Variants in REEP5 observed in about 807,000 individuals in gnomAD.
REEP5 encodes receptor expression-enhancing protein 5.
In REEP5, 24 loss-of-function variants were observed where a neutral mutation model predicts 22.4. That is an observed-to-expected ratio of 1.07 (90% CI 0.78 to 1.51). The LOEUF (loss-of-function observed/expected upper bound fraction) is 1.51. Ranked by LOEUF, REEP5 falls within the 40% of genes most tolerant of loss-of-function variation. REEP5 has a pLI of 0.00. For missense variants in REEP5, 252 were observed against 233.0 expected (o/e 1.08, Z -0.53); for synonymous variants, 103 against 88.6 (o/e 1.16, Z -0.92).
chr5:112,899,278 T>A (rs1768788752), intron 3 of REEP5, among the ~76,000 whole-genome samples: 1 of 149,880 alleles, frequency 6.7e-6, no homozygotes, highest in African/African-American at 2.5e-5. Context: ...TTTTTTTTGG[T>A]CAACATGCTG....
Position 112,921,256 on chromosome 5 carries a change from C to G in REEP5, c.119G>C (p.Gly40Ala). 6.2e-7 allele frequency: 1 copy of G among 1,614,070 alleles called. No individual in the cohort carries two copies. The highest frequency in any genetic ancestry group is 1.1e-5 in the South Asian group (1 of 91,038). The change falls in exon 2 of 5, where the codon GGT (glycine) becomes GCT (alanine). Residue 40 changes from glycine (G) to alanine (A), a missense_variant and splice_region_variant. By Grantham distance (60) the Gly-to-Ala change is moderately conservative. Transcript: ENST00000379638. ...TGVNRSFIALGVIGLVALYLV... is the reference protein window; with the variant it reads ...TGVNRSFIALAVIGLVALYLV... ...GTACAAGGCCACCAGTCCGATGACACCTGGGGACCACAAGGAGAGAAGTGG... is the reference window on the plus strand; with the variant it reads ...GTACAAGGCCACCAGTCCGATGACAGCTGGGGACCACAAGGAGAGAAGTGG...
intron 2 of REEP5, among the ~76,000 whole-genome samples, chr5:112,913,274 C>T (rs1474051111): frequency 2.7e-5 from 4 of 146,620 alleles, no homozygotes; most frequent in Non-Finnish European, 6.0e-5. Context: ...GCCTGGGCAA[C>T]AAGAGGGAAA....
chr5:112,908,347 C>T (rs1769009889), intron 2 of REEP5, among the ~76,000 whole-genome samples: 1 of 152,070 alleles, frequency 6.6e-6, no homozygotes, highest in African/African-American at 2.4e-5. Flanking sequence ...AGGCGATCTA[C>T]CCACCTTGGC....
At chr5:112,879,940 T>G (rs1204279472) in intron 4 of REEP5, among the ~76,000 whole-genome samples, 1 of 151,994 alleles carries the variant, frequency 6.6e-6, no homozygotes, top group African/African-American at 2.4e-5. Flanking sequence ...TAAAAAAATT[T>G]TAAAAGCCCA....
chr5:112,919,848 T>G (rs952746360), intron 2 of REEP5, among the ~76,000 whole-genome samples: 2 of 152,044 alleles, frequency 1.3e-5, no homozygotes, highest in African/African-American at 4.8e-5. Flanking sequence ...ACTAAGACAG[T>G]GTTCACAGGT....
chr5:112,913,018 G>A (rs1769139786), intron 2 of REEP5, among the ~76,000 whole-genome samples: 1 of 152,170 alleles, frequency 6.6e-6, no homozygotes, highest in Non-Finnish European at 1.5e-5. Flanking sequence ...ACTAATGAAA[G>A]ACTGACCGGG....
chr5:112,920,980 G>C (rs1769343487), intron 2 of REEP5, among the ~76,000 whole-genome samples, 183 bp downstream of exon 2: 1 of 152,202 alleles, frequency 6.6e-6, no homozygotes, highest in Non-Finnish European at 1.5e-5. Flanking sequence ...ATCGTCAAGA[G>C]ATAGGGATTA....
chr5:112,904,193 T>C (rs1768905922), intron 2 of REEP5, among the ~76,000 whole-genome samples: 2 of 152,230 alleles, frequency 1.3e-5, no homozygotes, highest in African/African-American at 4.8e-5. Context: ...AAATGGCTTG[T>C]AATGTATGCA....
chr5:112,907,790 G>A (rs145216480), intron 2 of REEP5, among the ~76,000 whole-genome samples: 11 of 152,274 alleles, frequency 7.2e-5, no homozygotes, highest in East Asian at 1.9e-4. Flanking sequence ...TGGCACATCC[G>A]TACAATGAAA....
At chr5:112,906,839 C>T (rs1350764516) in intron 2 of REEP5, among the ~76,000 whole-genome samples, 2 of 152,138 alleles carry the variant, frequency 1.3e-5, no homozygotes, top group Non-Finnish European at 2.9e-5. Context: ...ACCTGCCCTA[C>T]GTGTTCTAAG....
chr5:112,887,172 C>G lies in REEP5; in HGVS notation c.363G>C (p.Leu121=). ...PFYYMLKCGF[L]LWCMAPSPSN... is the part of the protein sequence containing the mutation. Reference sequence around the variant, plus strand: ...AAGGGCTCGGGGCCATGCACCACAACAGGAAGCCACACTGCACAGAAAAAG... The same window carrying G: ...AAGGGCTCGGGGCCATGCACCACAAGAGGAAGCCACACTGCACAGAAAAAG... Residue 121 remains leucine, a synonymous_variant, in exon 4 of 5, where the codon CTG becomes CTC. Coordinates refer to ENST00000379638, the MANE Select transcript of REEP5 (RefSeq NM_005669.5). 6.3e-7 allele frequency: 1 copy of G among 1,599,148 alleles called. No individual in the cohort carries two copies.
rs1469819743 is a variant in REEP5 at position 112,887,248 on chromosome 5, ACT to A, written c.352-67_352-66del. The A allele has an allele frequency of 4.4e-6, 6 of 1,366,082 alleles. No individual in the cohort carries two copies. In the African/African-American group the frequency reaches 8.6e-5, roughly 19 times the overall value. The allele number at this position is 1,366,082 out of a possible 1,614,324, so 84.6% of individuals were successfully genotyped here. ...GAGGGGGCACATTCTGAGAATACAC[ACT>A]GTCTTTCACTACTCTGGGGATGGGA... is the stretch of plus-strand genomic sequence containing the variant. On this transcript the variant is annotated intron_variant, in intron 3 of 4. Transcript: ENST00000379638.
chr5:112,920,972 C>A (rs905476392), intron 2 of REEP5, among the ~76,000 whole-genome samples, 191 bp downstream of exon 2: 2 of 152,168 alleles, frequency 1.3e-5, no homozygotes, highest in East Asian at 1.9e-4. Flanking sequence ...CTGGGCTAAT[C>A]GTCAAGAGAT....
intron 2 of REEP5, among the ~76,000 whole-genome samples, chr5:112,914,047 T>G (rs1024227254): frequency 6.6e-6 from 1 of 151,010 alleles, no homozygotes; most frequent in Non-Finnish European, 1.5e-5. Context: ...GAAGCTGAAG[T>G]GGGAGAATCA....
In REEP5 at chr5:112,912,246, T is replaced by C. The variant is rs76604337; in HGVS notation, c.212+8917A>G. Among the ~76,000 whole-genome samples, 538 of 152,260 alleles carry C rather than the reference T, an allele frequency of 3.5e-3. 5 individuals carry two copies. The highest frequency in any genetic ancestry group is 0.013 in the African/African-American group (521 of 41,558). On this transcript the variant is annotated intron_variant, in intron 2 of 4. Coordinates refer to ENST00000379638, the MANE Select transcript of REEP5 (RefSeq NM_005669.5). ...TTTGGCTACTCACACCTAAGACACA[T>C]AGGTACATACTATGTGTTCTGTGCA...
chr5:112,918,449 T>C (rs986933615), intron 2 of REEP5, among the ~76,000 whole-genome samples: 3 of 152,132 alleles, frequency 2.0e-5, no homozygotes, highest in African/African-American at 7.2e-5. Context: ...AATTTCATCT[T>C]TGCATCCTGC....
chr5:112,902,264 GTCT>G, intron 3 of REEP5, 113 bp downstream of exon 3: 2 of 1,116,772 alleles, frequency 1.8e-6, no homozygotes, highest in South Asian at 2.0e-5. Flanking sequence ...GCCCAGGCCT[GTCT>G]TCTTGTTTAT....
At chr5:112,893,508 ATTT>A in intron 3 of REEP5, 2 of 155,796 alleles carry the variant, frequency 1.3e-5, no homozygotes, top group South Asian at 1.9e-4. Flanking sequence ...CCATGTTATG[ATTT>A]TAAGCCAGGC....
rs1491389635 is a variant in REEP5, at chr5:112,877,979, C to CTGTG, written c.*806_*807insCACA. 1 of 115,382 alleles carries CTGTG rather than the reference C, an allele frequency of 8.7e-6. No individual in the cohort carries two copies. The highest frequency in any genetic ancestry group is 2.4e-4 in the East Asian group (1 of 4,202). 7.1% of individuals were successfully genotyped at this position (115,382 alleles called of 1,614,324 possible). A position where few individuals can be genotyped will look rare whatever the true frequency, so the allele number is the denominator to read the frequency against. On this transcript the variant is annotated 3_prime_UTR_variant, in exon 5 of 5. Transcript: ENST00000379638. ...TCAGGGAATTGAGAGTTACAGGTTA[C>CTGTG]TCTGTGTGTGTGTGTGTGTGTGTGT... is the stretch of plus-strand genomic sequence containing the variant.
Sources: gnomAD v4.1 joint callset for allele counts (sites outside exome capture counted in the v4.1 genomes callset) on GRCh38, gnomAD v4.1.1 for gene constraint, MANE v1.5 for transcripts, NCBI Gene and HGNC (gene_info 2026-07-23, HGNC 2026-07-21) for gene names.